The following ISX variants were observed in gnomAD, a reference collection of about 807,000 sequenced individuals.
ISX encodes intestine-specific homeobox.
ISX carries 15 observed loss-of-function variants against 16.9 expected under a neutral mutation model. The ratio of observed to expected loss-of-function variants is 0.89; its 90% confidence interval spans 0.59 to 1.36. ISX has a LOEUF of 1.36. Ranked by LOEUF, ISX falls within the 40% of genes most tolerant of loss-of-function variation. ISX has a pLI of 0.00. For missense variants in ISX, 316 were observed against 306.1 expected (o/e 1.03, Z -0.24); for synonymous variants, 125 against 119.7 (o/e 1.04, Z -0.29).
At chr22:35,078,905 T>G (rs1371189079) in intron 2 of ISX, among the ~76,000 whole-genome samples, 1 of 152,166 alleles carries the variant, frequency 6.6e-6, no homozygotes. Context: ...AATGTCAGGG[T>G]GGATTTTGCC....
At chr22:35,068,777 G>T (rs928400921) in intron 2 of ISX, among the ~76,000 whole-genome samples, 1 of 152,200 alleles carries the variant, frequency 6.6e-6, no homozygotes, top group Non-Finnish European at 1.5e-5. Context: ...CCAGACTAGC[G>T]GTGGTGACAT....
intron 2 of ISX, among the ~76,000 whole-genome samples, chr22:35,071,816 T>C (rs915183745): frequency 1.3e-5 from 2 of 152,110 alleles, no homozygotes; most frequent in Non-Finnish European, 2.9e-5. Flanking sequence ...AGGGTCCTTT[T>C]CCTTCCCTGT....
At chr22:35,084,590 C>T in intron 4 of ISX, 91 bp downstream of exon 4, 2 of 785,420 alleles carry the variant, frequency 2.5e-6, no homozygotes, top group Non-Finnish European at 4.1e-6. Flanking sequence ...ACCTCGGGGG[C>T]TCTGTCTACA....
Position 35,084,638 on chromosome 22 carries a change from G to C in ISX, c.498+139G>C, listed in dbSNP as rs994046876. 11 of 571,536 alleles carry C rather than the reference G, an allele frequency of 1.9e-5. No individual in the cohort carries two copies. The Middle Eastern group carries it at 3.3e-3, about 172-fold the overall frequency. 35.4% of individuals were successfully genotyped at this position (571,536 alleles called of 1,614,324 possible). A position where few individuals can be genotyped will look rare whatever the true frequency, so the allele number is the denominator to read the frequency against. ...AGGAAAATTATATTAGAAACAGCATGGGGCAAGGAGAAATCTGGAAGACTG... is the reference window on the plus strand; with the variant it reads ...AGGAAAATTATATTAGAAACAGCATCGGGCAAGGAGAAATCTGGAAGACTG... On this transcript the variant is annotated intron_variant, in intron 4 of 4. Transcript: ENST00000404699.
intron 2 of ISX, among the ~76,000 whole-genome samples, chr22:35,079,829 T>A (rs1358679813): frequency 6.6e-6 from 1 of 152,156 alleles, no homozygotes; most frequent in Admixed American, 6.5e-5. Flanking sequence ...TGCAGTCCAA[T>A]TAAGACAAGG....
rs149036576 is a variant in ISX at position 35,086,618 on chromosome 22, C to A, written c.*925C>A. ...TCTGTCTGAGCCTCAGTTTTCCTAT[C>A]CATAAAATGAAGGTAGCCAGGCCTG... is the stretch of plus-strand genomic sequence containing the variant. On this transcript the variant is annotated 3_prime_UTR_variant, in exon 5 of 5. Transcript: ENST00000404699. 49 of 152,348 alleles carry A rather than the reference C, an allele frequency of 3.2e-4. No homozygotes were observed. The highest frequency in any genetic ancestry group is 1.2e-3 in the African/African-American group (48 of 41,574). 9.4% of individuals were successfully genotyped at this position (152,348 alleles called of 1,614,324 possible).
intron 2 of ISX, among the ~76,000 whole-genome samples, chr22:35,077,944 G>A (rs992401073): frequency 1.3e-5 from 2 of 152,100 alleles, no homozygotes; most frequent in Non-Finnish European, 2.9e-5. Context: ...ATAAATCCTT[G>A]TTCACCTGAG....
At chr22:35,079,362 C>G (rs17716114) in intron 2 of ISX, among the ~76,000 whole-genome samples, 1 of 152,128 alleles carries the variant, frequency 6.6e-6, no homozygotes, top group African/African-American at 2.4e-5. Context: ...AAGTTTTAGA[C>G]GAATCCTGTG....
chr22:35,080,325 A>C (rs1929096235), intron 2 of ISX, among the ~76,000 whole-genome samples: 1 of 152,190 alleles, frequency 6.6e-6, no homozygotes, highest in African/African-American at 2.4e-5. Flanking sequence ...TTTGAGCTCC[A>C]AACTTATCAA....
In ISX at chr22:35,066,231, G is replaced by A. The variant is rs2146284926; in HGVS notation, c.-568G>A. Reference sequence around the variant, plus strand: ...ACAGCATAAAGGACCCCACAAGGAAGGGAGAGGTACCCTGGGTCAGGCGCT... The same window carrying A: ...ACAGCATAAAGGACCCCACAAGGAAAGGAGAGGTACCCTGGGTCAGGCGCT... On this transcript the variant is annotated 5_prime_UTR_variant, in exon 1 of 5. Coordinates refer to ENST00000404699, the MANE Select transcript of ISX (RefSeq NM_001303508.2). 6.6e-6 allele frequency: 1 copy of A among 152,444 alleles called. No individual in the cohort carries two copies. The highest frequency in any genetic ancestry group is 1.9e-4 in the East Asian group (1 of 5,190). 9.4% of individuals were successfully genotyped at this position (152,444 alleles called of 1,614,324 possible).
intron 2 of ISX, among the ~76,000 whole-genome samples, chr22:35,079,570 G>A (rs1929073981): frequency 6.6e-6 from 1 of 152,178 alleles, no homozygotes; most frequent in South Asian, 2.1e-4. Context: ...GCAGACATAC[G>A]AGGCTCCCTT....
intron 2 of ISX, among the ~76,000 whole-genome samples, chr22:35,074,786 T>G (rs1928938639): frequency 6.6e-6 from 1 of 152,198 alleles, no homozygotes; most frequent in Non-Finnish European, 1.5e-5. Context: ...ACTGCACAGC[T>G]TGTGTTGTCT....
chr22:35,084,323 G>A, intron 3 of ISX, 60 bp from the exon 4 acceptor site: 2 of 1,060,564 alleles, frequency 1.9e-6, no homozygotes, highest in Non-Finnish European at 2.9e-6. Flanking sequence ...GAATTTGGGG[G>A]AAGTGGTATT....
intron 2 of ISX, among the ~76,000 whole-genome samples, chr22:35,071,894 G>A (rs1928863882): frequency 1.3e-5 from 2 of 151,974 alleles, no homozygotes; most frequent in African/African-American, 2.4e-5. Context: ...CTCCTCCCCT[G>A]AACTACCTGA....
At chr22:35,075,791 A>T (rs2146290881) in intron 2 of ISX, among the ~76,000 whole-genome samples, 1 of 152,220 alleles carries the variant, frequency 6.6e-6, no homozygotes, top group South Asian at 2.1e-4. Context: ...GGGGAGTGGC[A>T]CTCACTTTCT....
rs751393633 is a variant in ISX at position 35,082,643 on chromosome 22, A to G, written c.355A>G (p.Ile119Val). ...CATCCGCAGCCAGCTGGCAGCCAGG[A>G]TCAACCTCCCAGAAGCTCGGGTGCA... ...VHIRSQLAAR[I>V]NLPEARVQIW... is the part of the protein sequence containing the mutation. The change falls in exon 3 of 5, where the codon ATC becomes GTC. Residue 119 changes from isoleucine to valine, a missense_variant. Coordinates refer to ENST00000404699, the MANE Select transcript of ISX (RefSeq NM_001303508.2). The G allele has an allele frequency of 6.2e-7, 1 of 1,614,148 alleles. No individual in the cohort carries two copies. The highest frequency in any genetic ancestry group is 1.7e-5 in the Admixed American group (1 of 60,030).
chr22:35,080,605 A>G (rs1929101958), intron 2 of ISX, among the ~76,000 whole-genome samples: 1 of 152,220 alleles, frequency 6.6e-6, no homozygotes, highest in African/African-American at 2.4e-5. Context: ...GCATGACAAG[A>G]GAGATGGTAG....
chr22:35,078,071 T>TTCTCTCCCACAG (rs1225602726), intron 2 of ISX, among the ~76,000 whole-genome samples: 2 of 152,130 alleles, frequency 1.3e-5, no homozygotes, highest in Non-Finnish European at 1.5e-5. Context: ...ACACCCCACA[T>TTCTCTCCCACAG]TCTCTCCCAC....
At chr22:35,076,340 G>A (rs958471514) in intron 2 of ISX, among the ~76,000 whole-genome samples, 3 of 152,204 alleles carry the variant, frequency 2.0e-5, no homozygotes, top group Admixed American at 6.5e-5. Context: ...ACAACTGAGG[G>A]AAAGCAGATG....
Sources: allele counts gnomAD v4.1 joint callset (sites outside exome capture counted in the v4.1 genomes callset), GRCh38; gene constraint gnomAD v4.1.1; transcripts MANE v1.5; gene names NCBI Gene and HGNC (gene_info 2026-07-23, HGNC 2026-07-21).